ERBB4: variants seen among roughly 807,000 people sequenced by gnomAD.
ERBB4 encodes the protein receptor tyrosine-protein kinase erbB-4.
Under a neutral mutation model 158.0 loss-of-function variants are expected in ERBB4, and 42 were observed. The observed-to-expected ratio is 0.27, with a 90% CI of 0.21 to 0.34. ERBB4 has a LOEUF of 0.34. ERBB4 is among the 10% of genes least tolerant of loss of function. The pLI, the probability that ERBB4 is intolerant of heterozygous loss-of-function variation, is 1.00. For missense variants in ERBB4, 1,333 were observed against 1,624.1 expected, an observed-to-expected ratio of 0.82 and a Z score of 3.08; for synonymous variants, 583 against 558.7, an observed-to-expected ratio of 1.04 and a Z score of -0.61.
At chr2:212,403,576 T>C (rs1432414185) in intron 1 of ERBB4, among the ~76,000 whole-genome samples, 2 of 151,956 alleles carry the variant, frequency 1.3e-5, no homozygotes, top group Non-Finnish European at 2.9e-5. Flanking sequence ...AATCCTGCAA[T>C]ATGTGACAAG....
At chr2:212,299,408 A>G (rs1446004172) in intron 1 of ERBB4, among the ~76,000 whole-genome samples, 2 of 151,688 alleles carry the variant, frequency 1.3e-5, no homozygotes, top group African/African-American at 4.8e-5. Flanking sequence ...TTGTTTACAA[A>G]TATGTAATAC....
chr2:212,462,163 A>G (rs1460459323), intron 1 of ERBB4, among the ~76,000 whole-genome samples: 1 of 143,262 alleles, frequency 7.0e-6, no homozygotes, highest in Non-Finnish European at 1.6e-5. Flanking sequence ...CTAGAAGAAA[A>G]CATTGGAGAA....
intron 21 of ERBB4, among the ~76,000 whole-genome samples, chr2:211,430,200 T>C (rs2063720347): frequency 6.6e-6 from 1 of 152,098 alleles, no homozygotes; most frequent in African/African-American, 2.4e-5. Context: ...TTTTTTGTTG[T>C]TGTTAGTGTA....
intron 12 of ERBB4, among the ~76,000 whole-genome samples, chr2:211,690,084 T>C (rs1453541379): frequency 6.7e-6 from 1 of 148,640 alleles, no homozygotes; most frequent in African/African-American, 2.4e-5. Context: ...GTATAATATA[T>C]AATATACATC....
intron 20 of ERBB4, among the ~76,000 whole-genome samples, chr2:211,479,342 C>T (rs2065029396): frequency 6.6e-6 from 1 of 152,176 alleles, no homozygotes; most frequent in Admixed American, 6.5e-5. Flanking sequence ...GTAATGCCTC[C>T]AGTCCAAAAC....
intron 5 of ERBB4, among the ~76,000 whole-genome samples, chr2:211,737,503 T>G (rs138222997): frequency 6.6e-6 from 1 of 152,332 alleles, no homozygotes; most frequent in Non-Finnish European, 1.5e-5. Flanking sequence ...ACCGGCACAA[T>G]GGATAACTAC....
chr2:211,544,795 G>C (rs1018155466), intron 20 of ERBB4, among the ~76,000 whole-genome samples: 1 of 151,964 alleles, frequency 6.6e-6, no homozygotes, highest in Admixed American at 6.6e-5. Context: ...ATGTTGGCTA[G>C]TTTTATTACT....
chr2:212,181,718 A>C (rs1305472471), intron 1 of ERBB4, among the ~76,000 whole-genome samples: 1 of 151,800 alleles, frequency 6.6e-6, no homozygotes, highest in Non-Finnish European at 1.5e-5. Context: ...TTAATGATTT[A>C]ATAAACTAGG....
intron 1 of ERBB4, among the ~76,000 whole-genome samples, chr2:212,286,608 T>TTTG (rs2085982245): frequency 8.2e-6 from 1 of 121,696 alleles, no homozygotes; most frequent in Non-Finnish European, 1.8e-5. Flanking sequence ...TTTTTTTTTT[T>TTTG]TTTTTTTTTT....
intron 3 of ERBB4, among the ~76,000 whole-genome samples, chr2:211,851,362 A>G (rs928186385): frequency 2.0e-5 from 3 of 151,994 alleles, no homozygotes; most frequent in Non-Finnish European, 4.4e-5. Context: ...AGGTCAAGAA[A>G]TTAAATTGGC....
At chr2:211,435,301 G>T (rs910351342) in intron 20 of ERBB4, among the ~76,000 whole-genome samples, 4 of 152,184 alleles carry the variant, frequency 2.6e-5, no homozygotes, top group African/African-American at 9.7e-5. Flanking sequence ...GAATAATACT[G>T]ACAGCAACCA....
intron 1 of ERBB4, among the ~76,000 whole-genome samples, chr2:212,136,081 C>T (rs1453949464): frequency 6.6e-6 from 1 of 152,174 alleles, no homozygotes; most frequent in Non-Finnish European, 1.5e-5. Context: ...GATTGTGATG[C>T]CTTATCACTG....
At chr2:212,192,348 G>T (rs1277706125) in intron 1 of ERBB4, among the ~76,000 whole-genome samples, 1 of 151,304 alleles carries the variant, frequency 6.6e-6, no homozygotes, top group Non-Finnish European at 1.5e-5. Flanking sequence ...TATTGATTCG[G>T]GCATTGGAAA....
intron 2 of ERBB4, among the ~76,000 whole-genome samples, chr2:212,084,680 T>C (rs1229097605): frequency 1.3e-5 from 2 of 152,002 alleles, no homozygotes; most frequent in Admixed American, 6.6e-5. Context: ...ACAAGACATA[T>C]TGGTGTGGTC....
chr2:212,517,984 C>A (rs1311246524), intron 1 of ERBB4, among the ~76,000 whole-genome samples: 1 of 152,018 alleles, frequency 6.6e-6, no homozygotes, highest in African/African-American at 2.4e-5. Context: ...TGATTTTCAA[C>A]CTGTAAAAAT....
intron 3 of ERBB4, among the ~76,000 whole-genome samples, chr2:211,806,825 T>C (rs573432992): frequency 4.6e-5 from 7 of 152,168 alleles, no homozygotes; most frequent in Admixed American, 1.3e-4. Flanking sequence ...CTATGATTTT[T>C]TAAAAGTTGC....
chr2:212,319,241 C>CAA (rs1369189596), intron 1 of ERBB4, among the ~76,000 whole-genome samples: 1 of 138,346 alleles, frequency 7.2e-6, no homozygotes, highest in South Asian at 2.4e-4. Context: ...TCATACATCA[C>CAA]AGCCTTCAAA....
intron 20 of ERBB4, among the ~76,000 whole-genome samples, chr2:211,547,048 G>T (rs933723164): frequency 6.6e-6 from 1 of 151,880 alleles, no homozygotes; most frequent in Admixed American, 6.6e-5. Flanking sequence ...AACTACACAC[G>T]CACATACACA....
intron 1 of ERBB4, among the ~76,000 whole-genome samples, chr2:212,376,191 A>G (rs1297775293): frequency 1.3e-5 from 2 of 152,060 alleles, no homozygotes; most frequent in African/African-American, 2.4e-5. Flanking sequence ...CAGCTGCAGA[A>G]AAGAGCAGAG....
Sources: gnomAD v4.1 joint callset for allele counts (sites outside exome capture counted in the v4.1 genomes callset) on GRCh38, gnomAD v4.1.1 for gene constraint, MANE v1.5 for transcripts, NCBI Gene and HGNC (gene_info 2026-07-23, HGNC 2026-07-21) for gene names.